GRID2: variants seen among roughly 807,000 people sequenced by gnomAD.
GRID2 encodes glutamate receptor ionotropic, delta-2.
Under a neutral mutation model 114.8 loss-of-function variants are expected in GRID2, and 33 were observed. The ratio of observed to expected loss-of-function variants is 0.29; its 90% CI spans 0.22 to 0.38. The LOEUF (loss-of-function observed/expected upper bound fraction) is 0.38, where lower values mean the gene tolerates loss of function less well. GRID2 is among the 10% of genes least tolerant of loss of function. The probability of loss-of-function intolerance (pLI) is 1.00; values close to 1 mark genes in which losing one functional copy is unlikely to be tolerated. For synonymous variants in GRID2, 505 were observed against 449.9 expected, an observed-to-expected ratio of 1.12 and a Z score of -1.55; for missense variants, 1,184 against 1,257.7, an observed-to-expected ratio of 0.94 and a Z score of 0.89.
chr4:92,487,183 T>G (rs1722938619), intron 1 of GRID2, among the ~76,000 whole-genome samples: 1 of 152,060 alleles, frequency 6.6e-6, no homozygotes, highest in Admixed American at 6.6e-5. Flanking sequence ...TATTTCTCAT[T>G]TATTTCTTTC....
rs755778325 is a variant in GRID2, at chr4:93,320,144, A to G, written c.1246-75463A>G. 5.7e-4 allele frequency among the ~76,000 whole-genome samples: 87 copies of G among 152,156 alleles called. 1 individual carries two copies. Among genetic ancestry groups the G allele is most frequent in the Admixed American group, 4.6e-4 (7 of 15,236 alleles). Reference sequence around the variant, plus strand: ...AAAGCGAAAGAAAGGCTTTTAAAGAACATTAAGTCTTAAATCAATTGTTAG... The same window carrying G: ...AAAGCGAAAGAAAGGCTTTTAAAGAGCATTAAGTCTTAAATCAATTGTTAG... On this transcript the variant is annotated intron_variant, in intron 8 of 15. Coordinates refer to ENST00000282020, the MANE Select transcript of GRID2 (RefSeq NM_001510.4).
intron 2 of GRID2, among the ~76,000 whole-genome samples, chr4:92,949,369 G>A (rs1007467612): frequency 2.6e-5 from 4 of 151,990 alleles, no homozygotes; most frequent in Non-Finnish European, 5.9e-5. Flanking sequence ...GTGCAGGTTA[G>A]TTACATATGT....
chr4:93,585,858 T>C (rs10516923), intron 13 of GRID2, among the ~76,000 whole-genome samples: 32,692 of 152,054 alleles, frequency 0.22, 3,999 homozygotes, highest in Middle Eastern at 0.35. Flanking sequence ...AAGACTCTCT[T>C]GTACATGGCA....
chr4:93,656,474 T>C (rs1218703818), intron 14 of GRID2, among the ~76,000 whole-genome samples: 1 of 152,036 alleles, frequency 6.6e-6, no homozygotes, highest in East Asian at 1.9e-4. Flanking sequence ...CTACAGATGA[T>C]TATGTCTGTT....
At chr4:92,372,751 C>T (rs1324853581) in intron 1 of GRID2, among the ~76,000 whole-genome samples, 1 of 151,870 alleles carries the variant, frequency 6.6e-6, no homozygotes, top group East Asian at 1.9e-4. Flanking sequence ...TACTTTTTTT[C>T]CCCCTATTTT....
chr4:92,344,060 G>A (rs576408657), intron 1 of GRID2, among the ~76,000 whole-genome samples: 2 of 152,254 alleles, frequency 1.3e-5, no homozygotes, highest in African/African-American at 4.8e-5. Context: ...GGTGGCAGAG[G>A]TATAAGAAAA....
At chr4:93,358,449 G>T (rs1371301997) in intron 8 of GRID2, among the ~76,000 whole-genome samples, 1 of 151,770 alleles carries the variant, frequency 6.6e-6, no homozygotes, top group Non-Finnish European at 1.5e-5. Context: ...AGAGAACATA[G>T]CATATTGGTA....
intron 2 of GRID2, among the ~76,000 whole-genome samples, chr4:92,652,514 C>T (rs901556620): frequency 7.0e-6 from 1 of 142,026 alleles, no homozygotes; most frequent in Admixed American, 7.1e-5. Flanking sequence ...CCTGTCTCTA[C>T]AAAAAAAAAA....
intron 8 of GRID2, among the ~76,000 whole-genome samples, chr4:93,327,140 A>T (rs1047654364): frequency 6.6e-6 from 1 of 152,118 alleles, no homozygotes; most frequent in Admixed American, 6.6e-5. Context: ...CTTATTCAGT[A>T]TGGTTTTTTA....
rs192793393 is a variant in GRID2, at chr4:93,148,439, C to A, written c.735+37486C>A. Among the ~76,000 whole-genome samples the A allele has an allele frequency of 1.6e-3, 237 of 151,936 alleles. 1 individual carries two copies. Among genetic ancestry groups the A allele is most frequent in the African/African-American group, 5.5e-3 (228 of 41,478 alleles). ...TGAAATAAAAATAGAAGAGACCTTG[C>A]GTGAAGGAAAAGAAGGGATTCAAAA... On this transcript the variant is annotated intron_variant, in intron 4 of 15. Transcript: ENST00000282020.
intron 10 of GRID2, among the ~76,000 whole-genome samples, chr4:93,431,079 G>A (rs1039224506): frequency 1.3e-5 from 2 of 152,276 alleles, no homozygotes; most frequent in Non-Finnish European, 1.5e-5. Context: ...AGAATTTATT[G>A]GCTAAAGTGA....
intron 8 of GRID2, among the ~76,000 whole-genome samples, chr4:93,314,389 T>G (rs1756362483): frequency 6.8e-6 from 1 of 147,668 alleles, no homozygotes. Context: ...CCCAACATCA[T>G]AAGTACTCTC....
intron 8 of GRID2, among the ~76,000 whole-genome samples, chr4:93,386,841 G>A (rs535293430): frequency 2.3e-4 from 35 of 152,266 alleles, no homozygotes; most frequent in African/African-American, 8.2e-4. Context: ...GCAGGTCTTG[G>A]CAGAGGCTCC....
At chr4:92,339,293 A>T (rs2110159108) in intron 1 of GRID2, among the ~76,000 whole-genome samples, 1 of 152,218 alleles carries the variant, frequency 6.6e-6, no homozygotes, top group Non-Finnish European at 1.5e-5. Flanking sequence ...AATCTTTTTT[A>T]TATACAGAAA....
chr4:93,041,775 A>G lies in GRID2; in HGVS notation c.245-43220A>G, dbSNP rs1213989744. Among the ~76,000 whole-genome samples the G allele has an allele frequency of 2.0e-5, 3 of 152,322 alleles. No homozygotes were observed. The South Asian group carries it at 6.2e-4, about 32-fold the overall frequency. On this transcript the variant is annotated intron_variant, in intron 2 of 15. Transcript: ENST00000282020. Reference sequence around the variant, plus strand: ...ATAGTTAATATTTCTATTATGAAATATTCTGATGTGTGAAGAATTGTACTG... The same window carrying G: ...ATAGTTAATATTTCTATTATGAAATGTTCTGATGTGTGAAGAATTGTACTG...
At chr4:93,432,912 TA>T (rs937451526) in intron 10 of GRID2, among the ~76,000 whole-genome samples, 258 of 151,720 alleles carry the variant, frequency 1.7e-3, no homozygotes, top group African/African-American at 6.1e-3. Flanking sequence ...AAATAAACAT[TA>T]AAAAAAATTA....
intron 4 of GRID2, among the ~76,000 whole-genome samples, chr4:93,190,751 T>G (rs1001432987): frequency 6.6e-6 from 1 of 152,070 alleles, no homozygotes; most frequent in Non-Finnish European, 1.5e-5. Flanking sequence ...CTTTAACTAA[T>G]TATTTTTCTT....
At chr4:93,098,104 C>T (rs62308209) in intron 3 of GRID2, among the ~76,000 whole-genome samples, 9,860 of 151,988 alleles carry the variant, frequency 0.065, 674 homozygotes, top group African/African-American at 0.17. Context: ...AAATATGCCA[C>T]GTGTTGTCTT....
At chr4:93,659,769 A>T (rs1171393709) in intron 14 of GRID2, among the ~76,000 whole-genome samples, 10 of 152,286 alleles carry the variant, frequency 6.6e-5, no homozygotes, top group Middle Eastern at 3.4e-3. Context: ...TTTAAATATT[A>T]AATTAAGCTT....
Sources: gnomAD v4.1 joint callset for allele counts (sites outside exome capture counted in the v4.1 genomes callset) on GRCh38, gnomAD v4.1.1 for gene constraint, MANE v1.5 for transcripts, NCBI Gene and HGNC (gene_info 2026-07-23, HGNC 2026-07-21) for gene names.